BBS9: variants seen among roughly 807,000 people sequenced by gnomAD.
The protein encoded by BBS9 is protein PTHB1.
Under a neutral mutation model 117.7 loss-of-function variants are expected in BBS9, and 89 were observed. The observed-to-expected ratio is 0.76, with a 90% confidence interval of 0.64 to 0.90. The LOEUF is 0.90. Ranked by LOEUF, BBS9 falls within the 40% of genes least tolerant of loss-of-function variation. BBS9 has a pLI of 0.00. For synonymous variants in BBS9, 379 were observed against 370.9 expected, an observed-to-expected ratio of 1.02 and a Z score of -0.25; for missense variants, 982 against 1,042.2, an observed-to-expected ratio of 0.94 and a Z score of 0.80.
intron 5 of BBS9, 46 bp from the exon 6 acceptor site, chr7:33,257,190 T>C: frequency 7.7e-7 from 1 of 1,293,064 alleles, no homozygotes; most frequent in South Asian, 1.5e-5. Context: ...AAATATTATA[T>C]TTATAAAAAG....
chr7:33,294,343 ATCTATCTATCTCTTTG>A (rs1562951004), intron 9 of BBS9, among the ~76,000 whole-genome samples: 30 of 116,276 alleles, frequency 2.6e-4, no homozygotes, highest in African/African-American at 9.6e-4. Flanking sequence ...CTATCTATCT[ATCTATCTATCTCTTTG>A]TCCATCCATC....
rs112074567 is a variant in BBS9 at position 33,452,846 on chromosome 7, T to C, written c.2116-52617T>C. On this transcript the variant is annotated intron_variant, in intron 19 of 22. Transcript: ENST00000242067. ...GATAATAACGCAAAAGTTATAGCCA[T>C]GTAGTATGGGATCAAAAGAGCTTTC... is the stretch of plus-strand genomic sequence containing the variant. Among the ~76,000 whole-genome samples, 61 of 152,270 alleles carry C rather than the reference T, an allele frequency of 4.0e-4. 1 individual carries two copies. Among genetic ancestry groups the C allele is most frequent in the African/African-American group, 1.4e-3 (57 of 41,552 alleles).
intron 19 of BBS9, among the ~76,000 whole-genome samples, chr7:33,471,875 G>T (rs529905756): frequency 6.6e-6 from 1 of 152,302 alleles, no homozygotes; most frequent in South Asian, 2.1e-4. Context: ...TTTATGGGAA[G>T]CCAGGGTTCC....
At position 33,408,446 on chromosome 7, in the gene BBS9, C is replaced by G. The variant is rs113949511; in HGVS notation, c.2115+20302C>G. Among the ~76,000 whole-genome samples the G allele has an allele frequency of 3.9e-5, 6 of 152,276 alleles. 1 individual carries two copies. Among genetic ancestry groups the G allele is most frequent in the African/African-American group, 1.2e-4 (5 of 41,556 alleles). Reference sequence around the variant, plus strand: ...TGGTGCACGGTGTGCTGCACCCACTCTCCTGCGCCCACTATCTGGCACTCC... The same window carrying G: ...TGGTGCACGGTGTGCTGCACCCACTGTCCTGCGCCCACTATCTGGCACTCC... On this transcript the variant is annotated intron_variant, in intron 19 of 22. Transcript: ENST00000242067.
At chr7:33,293,001 G>A (rs956916393) in intron 9 of BBS9, among the ~76,000 whole-genome samples, 6 of 131,466 alleles carry the variant, frequency 4.6e-5, no homozygotes, top group South Asian at 4.6e-4. Flanking sequence ...GTGAGACTCC[G>A]TCTCAAAAAA....
At chr7:33,214,043 C>A (rs1788570855) in intron 5 of BBS9, among the ~76,000 whole-genome samples, 1 of 152,162 alleles carries the variant, frequency 6.6e-6, no homozygotes. Flanking sequence ...CCCAGCTTAG[C>A]ACTAGGAGTT....
At chr7:33,135,457 C>A (rs540846817) in intron 1 of BBS9, among the ~76,000 whole-genome samples, 1 of 152,174 alleles carries the variant, frequency 6.6e-6, no homozygotes, top group Non-Finnish European at 1.5e-5. Flanking sequence ...TTTGAATGAT[C>A]GTGGCACCTT....
At position 33,273,070 on chromosome 7, in the gene BBS9, A is replaced by G. The variant is rs1279852557; in HGVS notation, c.761A>G (p.Asn254Ser). The change falls in exon 8 of 23, where the codon AAT becomes AGT. Residue 254 changes from asparagine (N) to serine (S), a missense_variant. Physicochemically the swap from Asn to Ser is conservative, Grantham distance 46. Coordinates refer to ENST00000242067, the MANE Select transcript of BBS9 (RefSeq NM_198428.3). Reference sequence around the variant, plus strand: ...CTTGACATATGTATTGTCTCTTTCAATCAGTCGGCATCCTCTGTTTTTGTT... The same window carrying G: ...CTTGACATATGTATTGTCTCTTTCAGTCAGTCGGCATCCTCTGTTTTTGTT... Reference protein sequence around the residue: ...QALDICIVSFNQSASSVFVLG... With the variant: ...QALDICIVSFSQSASSVFVLG... 1.6e-5 allele frequency: 26 copies of G among 1,613,632 alleles called. No individual in the cohort carries two copies. Among genetic ancestry groups the G allele is most frequent in the Non-Finnish European group, 2.1e-5 (25 of 1,179,804 alleles).
At chr7:33,538,557 GAATTTA>G (rs1036014149) in intron 21 of BBS9, among the ~76,000 whole-genome samples, 1 of 144,776 alleles carries the variant, frequency 6.9e-6, no homozygotes, top group African/African-American at 2.5e-5. Flanking sequence ...CATTTCAACT[GAATTTA>G]AATTTAATTC....
rs566492226 is a variant in BBS9 at position 33,501,541 on chromosome 7, A to G, written c.2116-3922A>G. ...ATATATTTTGGGCCTTGCTCAGGAA[A>G]GATCCTGTGGCTTGGACTGCTGTCT... On this transcript the variant is annotated intron_variant, in intron 19 of 22. Coordinates refer to ENST00000242067, the MANE Select transcript of BBS9 (RefSeq NM_198428.3). Among the ~76,000 whole-genome samples the G allele has an allele frequency of 2.0e-5, 3 of 152,326 alleles. No homozygotes were observed. In the South Asian group the frequency reaches 6.2e-4, roughly 32 times the overall value.
intron 9 of BBS9, among the ~76,000 whole-genome samples, chr7:33,298,809 G>C (rs1390862190): frequency 1.3e-5 from 2 of 152,166 alleles, no homozygotes; most frequent in Non-Finnish European, 2.9e-5. Context: ...GTTATGGCCT[G>C]GAAGATCAAG....
intron 1 of BBS9, among the ~76,000 whole-genome samples, chr7:33,144,855 T>C (rs968971076): frequency 1.2e-4 from 19 of 152,226 alleles, no homozygotes; most frequent in Non-Finnish European, 4.4e-5. Flanking sequence ...GTATATTAAA[T>C]GTGTTTTTGA....
intron 21 of BBS9, among the ~76,000 whole-genome samples, chr7:33,553,218 G>A (rs1458170486): frequency 2.0e-5 from 3 of 152,122 alleles, no homozygotes; most frequent in East Asian, 3.9e-4. Context: ...CTTTATAGCT[G>A]AAGCATAGTT....
At chr7:33,438,302 G>A (rs1835620927) in intron 19 of BBS9, among the ~76,000 whole-genome samples, 1 of 152,052 alleles carries the variant, frequency 6.6e-6, no homozygotes, top group African/African-American at 2.4e-5. Flanking sequence ...GTTATAAAAA[G>A]CACAGCCAAC....
intron 9 of BBS9, among the ~76,000 whole-genome samples, chr7:33,295,280 T>C (rs1292422960): frequency 6.6e-6 from 1 of 152,106 alleles, no homozygotes; most frequent in Non-Finnish European, 1.5e-5. Context: ...TTAATGGTAT[T>C]TATACACAAT....
At chr7:33,411,782 AAAGG>A in intron 19 of BBS9, among the ~76,000 whole-genome samples, 1 of 152,254 alleles carries the variant, frequency 6.6e-6, no homozygotes, top group African/African-American at 2.4e-5. Flanking sequence ...GATTCAATTT[AAAGG>A]ATTGTGCTAT....
chr7:33,386,741 G>A lies in BBS9; in HGVS notation c.1963-1251G>A, dbSNP rs189836569. Among the ~76,000 whole-genome samples, 1,186 of 151,932 alleles carry A rather than the reference G, an allele frequency of 7.8e-3. 8 individuals are homozygous for A. Among genetic ancestry groups the A allele is most frequent in the Non-Finnish European group, 0.011 (762 of 67,946 alleles). On this transcript the variant is annotated intron_variant, in intron 18 of 22. Transcript: ENST00000242067. Reference sequence around the variant, plus strand: ...GATCTCCTGACCTCGTGATCCGCCCGCCTCGGCCTCCCAAAGTTCTGGGAT... The same window carrying A: ...GATCTCCTGACCTCGTGATCCGCCCACCTCGGCCTCCCAAAGTTCTGGGAT...
At chr7:33,548,269 A>G (rs1011063309) in intron 21 of BBS9, among the ~76,000 whole-genome samples, 1 of 152,168 alleles carries the variant, frequency 6.6e-6, no homozygotes, top group Non-Finnish European at 1.5e-5. Flanking sequence ...AGACATCACT[A>G]TTCTTATTTC....
intron 8 of BBS9, among the ~76,000 whole-genome samples, chr7:33,273,446 A>G (rs567628860): frequency 9.8e-5 from 15 of 152,322 alleles, no homozygotes; most frequent in African/African-American, 3.4e-4. Context: ...AATACTTTCC[A>G]TAATGTGGCT....
Sources: allele counts gnomAD v4.1 joint callset (sites outside exome capture counted in the v4.1 genomes callset), GRCh38; gene constraint gnomAD v4.1.1; transcripts MANE v1.5; gene names NCBI Gene and HGNC (gene_info 2026-07-23, HGNC 2026-07-21).